BBS9: variants seen among roughly 807,000 people sequenced by gnomAD.
The protein encoded by BBS9 is protein PTHB1.
A neutral mutation model predicts 117.7 loss-of-function variants in BBS9; 89 were observed. The observed-to-expected ratio is 0.76, with a 90% confidence interval of 0.64 to 0.90. BBS9 has a LOEUF of 0.90. BBS9 is among the 40% of genes least tolerant of loss of function. The pLI is 0.00. For synonymous variants in BBS9, 379 were observed against 370.9 expected (o/e 1.02, Z -0.25); for missense variants, 982 against 1,042.2 (o/e 0.94, Z 0.80).
intron 9 of BBS9, among the ~76,000 whole-genome samples, chr7:33,300,452 A>G (rs1806154062): frequency 1.3e-5 from 2 of 152,104 alleles, no homozygotes; most frequent in African/African-American, 4.8e-5. Flanking sequence ...AGGATTTTCT[A>G]TTTTTGTCTC....
At chr7:33,148,836 T>G (rs1025758763) in intron 2 of BBS9, among the ~76,000 whole-genome samples, 4 of 151,802 alleles carry the variant, frequency 2.6e-5, no homozygotes, top group African/African-American at 9.7e-5. Context: ...TTGCCCAGGC[T>G]GGTCTTGAAC....
intron 20 of BBS9, among the ~76,000 whole-genome samples, chr7:33,514,579 C>T (rs1847453850): frequency 6.6e-6 from 1 of 152,112 alleles, no homozygotes; most frequent in South Asian, 2.1e-4. Flanking sequence ...CCTTTGCTAG[C>T]TTTGGGTACT....
chr7:33,397,649 G>A (rs933556156), intron 19 of BBS9, among the ~76,000 whole-genome samples: 3 of 152,170 alleles, frequency 2.0e-5, no homozygotes, highest in Admixed American at 6.5e-5. Flanking sequence ...AAAAAGGAAC[G>A]AGATCATGCC....
At chr7:33,620,351 TTAAA>T (rs1204901924) in intron 21 of BBS9, among the ~76,000 whole-genome samples, 1 of 152,038 alleles carries the variant, frequency 6.6e-6, no homozygotes, top group African/African-American at 2.4e-5. Context: ...AAAAAAACTG[TTAAA>T]TAAACCCTTA....
chr7:33,580,092 C>T (rs965170831), intron 21 of BBS9, among the ~76,000 whole-genome samples: 1 of 151,912 alleles, frequency 6.6e-6, no homozygotes, highest in African/African-American at 2.4e-5. Flanking sequence ...TTTAAAAAAT[C>T]CTACAAGATA....
At chr7:33,322,036 A>G (rs1485758323) in intron 9 of BBS9, among the ~76,000 whole-genome samples, 1 of 152,016 alleles carries the variant, frequency 6.6e-6, no homozygotes, top group Admixed American at 6.6e-5. Context: ...ATTGATTTGC[A>G]TATGTTGAAC....
chr7:33,232,855 A>G (rs1792749422), intron 5 of BBS9, among the ~76,000 whole-genome samples: 1 of 152,198 alleles, frequency 6.6e-6, no homozygotes. Context: ...AACAGAAGCC[A>G]TAGTCTTTGC....
At chr7:33,521,836 G>A (rs1034142483) in intron 20 of BBS9, among the ~76,000 whole-genome samples, 9 of 150,358 alleles carry the variant, frequency 6.0e-5, no homozygotes, top group African/African-American at 1.7e-4. Flanking sequence ...ATGCTGGTGC[G>A]CTGCACACAC....
rs141412034 is a variant in BBS9, at chr7:33,627,294, G to A, written c.2522-7883G>A. ...GCCTGCAGGTGCATAAAGGGCAAGA[G>A]TTGAGGCTTGGGAGCCTCTGCCTAG... is the stretch of plus-strand genomic sequence containing the variant. On this transcript the variant is annotated intron_variant, in intron 21 of 21. Transcript: ENST00000671952. 2.5e-3 allele frequency among the ~76,000 whole-genome samples: 381 copies of A among 152,374 alleles called. 3 individuals are homozygous for A. Among genetic ancestry groups the A allele is most frequent in the African/African-American group, 8.5e-3 (354 of 41,602 alleles).
intron 21 of BBS9, among the ~76,000 whole-genome samples, chr7:33,545,901 A>C (rs1853257545): frequency 7.1e-6 from 1 of 140,314 alleles, no homozygotes; most frequent in South Asian, 2.3e-4. Context: ...ATTGGATCAT[A>C]CTATACCTAC....
chr7:33,618,486 T>C (rs1324162835), intron 21 of BBS9, among the ~76,000 whole-genome samples: 1 of 152,170 alleles, frequency 6.6e-6, no homozygotes, highest in Admixed American at 6.6e-5. Flanking sequence ...ACCTCTAGTA[T>C]TAAAATTAAA....
chr7:33,559,336 G>C (rs1750969019), intron 21 of BBS9, among the ~76,000 whole-genome samples: 3 of 152,050 alleles, frequency 2.0e-5, no homozygotes, highest in African/African-American at 7.2e-5. Flanking sequence ...TTTAATTCCT[G>C]GTGTCTTGGG....
At chr7:33,289,767 G>T (rs1362395117) in intron 9 of BBS9, among the ~76,000 whole-genome samples, 1 of 152,140 alleles carries the variant, frequency 6.6e-6, no homozygotes, top group African/African-American at 2.4e-5. Context: ...CTTGGGGCCA[G>T]GTGTGGTGGC....
intron 19 of BBS9, among the ~76,000 whole-genome samples, chr7:33,460,210 T>C (rs6973093): frequency 0.08 from 12,160 of 152,182 alleles, 549 homozygotes; most frequent in East Asian, 0.15. Context: ...AGAGTTCTAT[T>C]GTGATTTACG....
At chr7:33,629,976 G>C (rs1241770918) in intron 21 of BBS9, among the ~76,000 whole-genome samples, 2 of 152,154 alleles carry the variant, frequency 1.3e-5, no homozygotes, top group Non-Finnish European at 2.9e-5. Context: ...CTTGTCAACA[G>C]TTTATATTTC....
At chr7:33,235,419 G>T (rs1562850898) in intron 5 of BBS9, among the ~76,000 whole-genome samples, 1 of 152,022 alleles carries the variant, frequency 6.6e-6, no homozygotes, top group Non-Finnish European at 1.5e-5. Context: ...TGAGAATTTT[G>T]AACTTGGGAG....
intron 9 of BBS9, chr7:33,277,014 G>T: frequency 4.2e-6 from 1 of 240,926 alleles, no homozygotes; most frequent in Non-Finnish European, 9.1e-6. Context: ...GGCAGGTGAT[G>T]TCCAACTGCA....
chr7:33,160,956 A>G (rs1214025648), intron 4 of BBS9, among the ~76,000 whole-genome samples: 1 of 152,142 alleles, frequency 6.6e-6, no homozygotes, highest in African/African-American at 2.4e-5. Context: ...GAAGACATGC[A>G]TTGAAAATGA....
chr7:33,558,273 A>T (rs925982067), intron 21 of BBS9, among the ~76,000 whole-genome samples: 1 of 152,210 alleles, frequency 6.6e-6, no homozygotes, highest in Non-Finnish European at 1.5e-5. Flanking sequence ...TTGTAATTAG[A>T]TGAAGGCAGT....
Sources: gnomAD v4.1 joint callset for allele counts (sites outside exome capture counted in the v4.1 genomes callset) on GRCh38, gnomAD v4.1.1 for gene constraint, MANE v1.5 for transcripts, NCBI Gene and HGNC (gene_info 2026-07-23, HGNC 2026-07-21) for gene names.